ACTMAP: variants seen among roughly 807,000 people sequenced by gnomAD.
The protein encoded by ACTMAP is actin maturation protease.
At chr19:40,749,262 A>G in the ACTMAP span, among the ~76,000 whole-genome samples, 2 of 152,100 alleles carry the variant, frequency 1.3e-5, no homozygotes. Context: ...AAGTGCTGGG[A>G]TTACATGCAT....
chr19:40,749,555 C>T, the ACTMAP span: 12 of 1,551,228 alleles, frequency 7.7e-6, no homozygotes, highest in Middle Eastern at 1.7e-4. Context: ...TATCAAAGGC[C>T]TCCTTCAGGA....
the ACTMAP span, chr19:40,744,189 A>G: frequency 1.9e-6 from 3 of 1,581,102 alleles, no homozygotes; most frequent in Non-Finnish European, 2.6e-6. Flanking sequence ...GCCTGCCCAT[A>G]TCGGCCACTG....
At chr19:40,749,856 C>A in the ACTMAP span, 1 of 1,245,482 alleles carries the variant, frequency 8.0e-7, no homozygotes, top group African/African-American at 1.6e-5. Flanking sequence ...AGGGAAGGAT[C>A]CTCCAACGGA....
At chr19:40,745,534 T>C in the ACTMAP span, among the ~76,000 whole-genome samples, 12 of 152,334 alleles carry the variant, frequency 7.9e-5, no homozygotes, top group South Asian at 2.5e-3. Flanking sequence ...TTTCTTGCTC[T>C]GTTGCCCAGG....
At chr19:40,742,868 T>C in the ACTMAP span, 5 of 1,198,034 alleles carry the variant, frequency 4.2e-6, no homozygotes, top group Admixed American at 2.4e-5. Context: ...CCAGGGTGGG[T>C]GCAGCTGCCA....
the ACTMAP span, among the ~76,000 whole-genome samples, chr19:40,748,512 C>T: frequency 6.6e-6 from 1 of 152,134 alleles, no homozygotes; most frequent in Non-Finnish European, 1.5e-5. Context: ...TCTCCTTTCC[C>T]CTCCCACCTG....
At chr19:40,741,674 T>G in the ACTMAP span, 1 of 454,804 alleles carries the variant, frequency 2.2e-6, no homozygotes, top group Non-Finnish European at 4.4e-6. Flanking sequence ...AGATACTGAC[T>G]ACCTAGCTTG....
the ACTMAP span, chr19:40,743,759 A>G: frequency 1.0e-6 from 1 of 977,324 alleles, no homozygotes; most frequent in Admixed American, 2.4e-5. Context: ...ACTGGCAGAC[A>G]CCTGGGGCCC....
the ACTMAP span, chr19:40,741,334 T>C: frequency 1.4e-5 from 3 of 214,886 alleles, no homozygotes; most frequent in South Asian, 1.5e-4. Flanking sequence ...TCCCAGTTAC[T>C]TGGGGGGCTG....
the ACTMAP span, among the ~76,000 whole-genome samples, chr19:40,746,788 G>C: frequency 1.3e-5 from 2 of 152,176 alleles, no homozygotes; most frequent in African/African-American, 4.8e-5. Flanking sequence ...TAGGATTACA[G>C]GCGTGAGCCA....
chr19:40,749,332 G>A, the ACTMAP span: 24 of 799,940 alleles, frequency 3.0e-5, no homozygotes, highest in Non-Finnish European at 4.3e-5. Flanking sequence ...CATTGCTGGA[G>A]GCACACCACC....
At chr19:40,742,534 G>T in the ACTMAP span, 10 of 1,575,476 alleles carry the variant, frequency 6.3e-6, no homozygotes, top group East Asian at 2.3e-4. Flanking sequence ...TCAGTGGCCC[G>T]TGAGGGCGAG....
chr19:40,741,493 C>T, the ACTMAP span: 5 of 308,454 alleles, frequency 1.6e-5, no homozygotes, highest in Non-Finnish European at 3.3e-5. Context: ...GAGATGGGCT[C>T]AGTTAGGGAC....
chr19:40,744,209 A>C, the ACTMAP span: 3 of 1,550,850 alleles, frequency 1.9e-6, no homozygotes, highest in Admixed American at 1.9e-5. Flanking sequence ...GCAGGGTGAG[A>C]GCACACAGAG....
At chr19:40,747,167 GGGGTGC>G in the ACTMAP span, among the ~76,000 whole-genome samples, 1 of 152,116 alleles carries the variant, frequency 6.6e-6, no homozygotes, top group Non-Finnish European at 1.5e-5. Flanking sequence ...GGGTGTTGGG[GGGGTGC>G]GGACTCAGAG....
the ACTMAP span, among the ~76,000 whole-genome samples, chr19:40,747,049 T>G: frequency 6.6e-6 from 1 of 151,410 alleles, no homozygotes; most frequent in Non-Finnish European, 1.5e-5. Flanking sequence ...TCAGGTGATC[T>G]GCCTGCCTTG....
chr19:40,749,527 TG>T, the ACTMAP span: 1 of 1,551,048 alleles, frequency 6.4e-7, no homozygotes, highest in Non-Finnish European at 8.7e-7. Context: ...TCTCTGCCCT[TG>T]GGGACCGGGC....
chr19:40,748,376 T>TAA, the ACTMAP span, among the ~76,000 whole-genome samples: 1 of 145,706 alleles, frequency 6.9e-6, no homozygotes, highest in African/African-American at 2.5e-5. Flanking sequence ...GAAACTCCAT[T>TAA]AAAAAAAAAA....
chr19:40,744,352 T>C, the ACTMAP span, among the ~76,000 whole-genome samples: 4 of 152,178 alleles, frequency 2.6e-5, no homozygotes, highest in Non-Finnish European at 5.9e-5. Context: ...GGCTTGTCCA[T>C]GGCCCCAGCG....
Sources: gnomAD v4.1 joint callset for allele counts (sites outside exome capture counted in the v4.1 genomes callset) on GRCh38, gnomAD v4.1.1 for gene constraint, MANE v1.5 for transcripts, NCBI Gene and HGNC (gene_info 2026-07-23, HGNC 2026-07-21) for gene names.